Variants in HTT observed in about 807,000 individuals in gnomAD.
HTT encodes the protein huntington disease protein.
Under a neutral mutation model 362.3 loss-of-function variants are expected in HTT, and 104 were observed. The observed-to-expected ratio is 0.29, with a 90% CI of 0.24 to 0.34. The LOEUF is 0.34. HTT is among the 10% of genes least tolerant of loss of function. The pLI is 1.00. For missense variants in HTT, 3,301 were observed against 3,928.6 expected (o/e 0.84, Z 4.27); for synonymous variants, 1,577 against 1,548.7 (o/e 1.02, Z -0.43).
chr4:3,075,137 C>T, intron 1 of HTT, 49 bp downstream of exon 1: 3 of 1,205,908 alleles, frequency 2.5e-6, no homozygotes, highest in South Asian at 4.1e-5. Flanking sequence ...TCCCAGGCTA[C>T]GGCGGGGATG....
At position 3,199,807 on chromosome 4, in the gene HTT, T is replaced by C. The variant is rs2110262117; in HGVS notation, c.5444T>C (p.Leu1815Pro). The change falls in exon 41 of 67, where the codon CTG (leucine) becomes CCG (proline). Residue 1815 changes from leucine to proline, a missense_variant. Around this residue, in one of 4 missense-constraint regions of HTT, gnomAD observed 2,316 missense variants for 2,658.5 expected, o/e 0.87. Transcript: ENST00000355072. Reference sequence around the variant, plus strand: ...GGCTGTGGCGGCAGTTTCTACACCCTGGACAGCTTGAACTTGCGGGCTCGT... The same window carrying C: ...GGCTGTGGCGGCAGTTTCTACACCCCGGACAGCTTGAACTTGCGGGCTCGT... ...SDGCGGSFYT[L>P]DSLNLRARSM... The C allele has an allele frequency of 1.2e-6, 2 of 1,614,224 alleles. No individual in the cohort carries two copies. Among genetic ancestry groups the C allele is most frequent in the Non-Finnish European group, 1.7e-6 (2 of 1,180,044 alleles).
Position 3,136,342 on chromosome 4 carries a change from TTA to T in HTT, c.2798+18_2798+19del. The T allele has an allele frequency of 7.1e-7, 1 of 1,417,012 alleles. No individual in the cohort carries two copies. The highest frequency in any genetic ancestry group is 9.9e-7 in the Non-Finnish European group (1 of 1,008,162). The allele number at this position is 1,417,012 out of a possible 1,614,324, so 87.8% of individuals were successfully genotyped here. A position where few individuals can be genotyped will look rare whatever the true frequency, so the allele number is the denominator to read the frequency against. On this transcript the variant is annotated intron_variant, in intron 21 of 66. Transcript: ENST00000355072. ...CACTAATTAGGTATTTACCAATATT[TTA>T]TCTCTTTTCCTTTTTTGGTTGAAGT...
chr4:3,106,032 A>G lies in HTT; in HGVS notation c.608+596A>G, dbSNP rs148073117. ...TCAGCTCCATCCTGAGTCACTGGGAATGTGGTCTAAACCCTCACTATTAAT... is the reference window on the plus strand; with the variant it reads ...TCAGCTCCATCCTGAGTCACTGGGAGTGTGGTCTAAACCCTCACTATTAAT... On this transcript the variant is annotated intron_variant, in intron 5 of 66. Coordinates refer to ENST00000355072, the MANE Select transcript of HTT (RefSeq NM_001388492.1). Among the ~76,000 whole-genome samples, 277 of 152,306 alleles carry G rather than the reference A, an allele frequency of 1.8e-3. 1 individual carries two copies. The highest frequency in any genetic ancestry group is 3.0e-3 in the Non-Finnish European group (206 of 68,020).
In HTT at chr4:3,208,924, C is replaced by T. The variant is rs149828627; in HGVS notation, c.6291+13C>T. The T allele has an allele frequency of 5.0e-6, 8 of 1,606,024 alleles. No homozygotes were observed. Among genetic ancestry groups the T allele is most frequent in the East Asian group, 2.2e-5 (1 of 44,786 alleles). On this transcript the variant is annotated intron_variant, in intron 46 of 66. Transcript: ENST00000355072. ...GAGTCCGGACAAAGTAAGTGTCCAG[C>T]GTGTCTGCATGGGAGGCACAGGGCG...
Position 3,088,692 on chromosome 4 carries a change from G to A in HTT, c.347+1670G>A, listed in dbSNP as rs1713343873. 2.6e-5 allele frequency among the ~76,000 whole-genome samples: 4 copies of A among 151,412 alleles called. No homozygotes were observed. In the South Asian group the frequency reaches 8.3e-4, roughly 32 times the overall value. ...CTTTCTACTTTCTGTCTGTATGAGT[G>A]TAACTGCTCTGGAGACCTCATGTAA... On this transcript the variant is annotated intron_variant, in intron 2 of 66. Transcript: ENST00000355072.
intron 66 of HTT, among the ~76,000 whole-genome samples, 164 bp from the exon 67 acceptor site, chr4:3,239,682 G>A (rs900649534): frequency 8.5e-5 from 13 of 152,292 alleles, no homozygotes; most frequent in South Asian, 2.1e-4. Context: ...AGGTGGAGGC[G>A]CTGATGCAGC....
chr4:3,086,744 A>G (rs1487874083), intron 1 of HTT, among the ~76,000 whole-genome samples, 195 bp from the exon 2 acceptor site: 2 of 152,198 alleles, frequency 1.3e-5, no homozygotes, highest in Non-Finnish European at 2.9e-5. Flanking sequence ...TTCTGTGAGC[A>G]GCGTAGCTTG....
chr4:3,207,523 T>C (rs939770200), intron 45 of HTT, among the ~76,000 whole-genome samples, 166 bp downstream of exon 45: 1 of 152,230 alleles, frequency 6.6e-6, no homozygotes, highest in Non-Finnish European at 1.5e-5. Flanking sequence ...AACAACCAGA[T>C]CTCACTTTCT....
intron 40 of HTT, among the ~76,000 whole-genome samples, chr4:3,192,505 A>G (rs1417774861): frequency 2.6e-5 from 4 of 152,128 alleles, no homozygotes; most frequent in Admixed American, 1.3e-4. Context: ...CATGAGTAAT[A>G]TGGGTGACCA....
chr4:3,141,587 AC>A (rs1238754861), intron 22 of HTT, among the ~76,000 whole-genome samples: 3 of 152,122 alleles, frequency 2.0e-5, no homozygotes, highest in Non-Finnish European at 4.4e-5. Flanking sequence ...ACATGGCAAA[AC>A]CCACCTCTAC....
In HTT at chr4:3,212,008, T is replaced by A; in HGVS notation, c.6494T>A (p.Phe2165Tyr). The A allele has an allele frequency of 1.9e-6, 3 of 1,614,218 alleles. No homozygotes were observed. Among genetic ancestry groups the A allele is most frequent in the Non-Finnish European group, 2.5e-6 (3 of 1,180,044 alleles). The change falls in exon 48 of 67, where the codon TTT becomes TAT. Residue 2165 changes from phenylalanine (F) to tyrosine (Y), a missense_variant. Coordinates refer to ENST00000355072, the MANE Select transcript of HTT (RefSeq NM_001388492.1). Reference protein sequence around the residue: ...EISGGQKSALFEAAREVTLAR... With the variant: ...EISGGQKSALYEAAREVTLAR... The stretch of plus-strand genomic sequence containing the variant: ...TCTGGTGGCCAGAAGAGTGCCCTTT[T>A]TGAAGCAGCCCGTGAGGTGACTCTG...
intron 29 of HTT, among the ~76,000 whole-genome samples, chr4:3,163,841 A>T (rs1717566868): frequency 6.6e-6 from 1 of 151,390 alleles, no homozygotes. Flanking sequence ...CTAGCGGTCT[A>T]CCTATTTTAT....
At chr4:3,155,310 C>G (rs1376407642) in intron 27 of HTT, among the ~76,000 whole-genome samples, 1 of 151,650 alleles carries the variant, frequency 6.6e-6, no homozygotes, top group Non-Finnish European at 1.5e-5. Context: ...CAAGCTCTGC[C>G]TCCTGGGTTC....
At chr4:3,217,503 T>C (rs1720468106) in intron 51 of HTT, among the ~76,000 whole-genome samples, 1 of 152,156 alleles carries the variant, frequency 6.6e-6, no homozygotes, top group African/African-American at 2.4e-5. Flanking sequence ...GCTGGCCTTA[T>C]CACAGAGAGT....
chr4:3,203,536 A>G (rs1251567839), intron 41 of HTT, among the ~76,000 whole-genome samples: 2 of 152,262 alleles, frequency 1.3e-5, no homozygotes, highest in Non-Finnish European at 2.9e-5. Flanking sequence ...GTGTTTTTAA[A>G]CAGGATTTCC....
At chr4:3,124,234 C>T (rs1396658026) in intron 10 of HTT, among the ~76,000 whole-genome samples, 6 of 152,202 alleles carry the variant, frequency 3.9e-5, no homozygotes, top group Non-Finnish European at 5.9e-5. Context: ...TACGCTGACA[C>T]TTGTTTGTTT....
At chr4:3,081,634 C>G (rs1038664731) in intron 1 of HTT, among the ~76,000 whole-genome samples, 24 of 146,426 alleles carry the variant, frequency 1.6e-4, no homozygotes, top group African/African-American at 5.8e-4. Flanking sequence ...TCTCGGCTCA[C>G]TGCAACCTCT....
At chr4:3,093,660 T>A (rs1713635851) in intron 2 of HTT, among the ~76,000 whole-genome samples, 1 of 152,056 alleles carries the variant, frequency 6.6e-6, no homozygotes. Flanking sequence ...CACATATATA[T>A]AAAAAGGAGG....
chr4:3,106,295 G>A (rs867863543), intron 5 of HTT, among the ~76,000 whole-genome samples: 1 of 152,148 alleles, frequency 6.6e-6, no homozygotes, highest in Non-Finnish European at 1.5e-5. Flanking sequence ...GGTGGAGGTC[G>A]TGTTGAGCCA....
Sources: gnomAD v4.1 joint callset for allele counts (sites outside exome capture counted in the v4.1 genomes callset) on GRCh38, gnomAD v4.1.1 for gene constraint, gnomAD v4.1.1 regional missense constraint, MANE v1.5 for transcripts, NCBI Gene and HGNC (gene_info 2026-07-23, HGNC 2026-07-21) for gene names.